Variants in CYP27C1 observed in about 807,000 individuals in gnomAD.
CYP27C1 encodes the protein cytochrome P450 27C1.
In CYP27C1, 29 loss-of-function variants were observed where a neutral mutation model predicts 40.6. The ratio of observed to expected loss-of-function variants is 0.71; its 90% CI spans 0.53 to 0.97. The LOEUF (loss-of-function observed/expected upper bound fraction) is 0.97, where lower values mean the gene tolerates loss of function less well. Ranked by LOEUF, CYP27C1 falls within the 50% of genes least tolerant of loss-of-function variation. The pLI, the probability that CYP27C1 is intolerant of heterozygous loss-of-function variation, is 0.00. For missense variants in CYP27C1, 390 were observed against 485.8 expected (o/e 0.80, Z 1.85); for synonymous variants, 198 against 186.8 (o/e 1.06, Z -0.49).
At chr2:127,203,686 C>T (rs886703398) in intron 2 of CYP27C1, 115 bp from the exon 3 acceptor site, 3 of 1,063,148 alleles carry the variant, frequency 2.8e-6, no homozygotes, top group African/African-American at 1.6e-5. Context: ...AGCTGCCCAA[C>T]AAAGTAGAAT....
At chr2:127,210,046 C>G (rs1683306921) in intron 1 of CYP27C1, among the ~76,000 whole-genome samples, 1 of 152,248 alleles carries the variant, frequency 6.6e-6, no homozygotes, top group Non-Finnish European at 1.5e-5. Flanking sequence ...TTAAGATCAA[C>G]CCCAAGACAC....
In CYP27C1 at chr2:127,185,351, T is replaced by C. The variant is rs1682598415; in HGVS notation, c.*1920A>G. 1 of 152,238 alleles carries C rather than the reference T, an allele frequency of 6.6e-6. No homozygotes were observed. Among genetic ancestry groups the C allele is most frequent in the African/African-American group, 2.4e-5 (1 of 41,426 alleles). 9.4% of individuals were successfully genotyped at this position (152,238 alleles called of 1,614,324 possible). On this transcript the variant is annotated 3_prime_UTR_variant, in exon 9 of 9. Transcript: ENST00000664447. The surrounding 1 kb of genome is among the most constrained non-coding windows in gnomAD (Gnocchi z 4.9). ...GCTACCCCCAGCCCGCACTTTGCTA[T>C]TCACCCTGTGCTGATCCCCAGGCAG...
rs1682900155 is a variant in CYP27C1, at chr2:127,196,156, G to A, written c.1048-655C>T. ...CGGCTCACTGCAAGCTCTGCCTCCC[G>A]GGTTCATGCCATTCTCCTGCCTCAG... is the stretch of plus-strand genomic sequence containing the variant. On this transcript the variant is annotated intron_variant, in intron 5 of 8. Transcript: ENST00000664447. This position sits in a 1 kb window ranked among gnomAD's most constrained non-coding sequence, Gnocchi z 4.5. Among the ~76,000 whole-genome samples, 1 of 151,768 alleles carries A rather than the reference G, an allele frequency of 6.6e-6. No homozygotes were observed.
intron 1 of CYP27C1, among the ~76,000 whole-genome samples, chr2:127,215,783 G>C (rs572674544): frequency 6.7e-6 from 1 of 150,128 alleles, no homozygotes; most frequent in South Asian, 2.2e-4. Context: ...TAAGGGACTT[G>C]TACCCAGAAT....
intron 8 of CYP27C1, 133 bp from the exon 9 acceptor site, chr2:127,187,520 C>T (rs1306824817): frequency 5.6e-6 from 4 of 710,594 alleles, no homozygotes; most frequent in Non-Finnish European, 7.2e-6. Context: ...CCACATCCAG[C>T]TTTTGGAGGC....
intron 8 of CYP27C1, among the ~76,000 whole-genome samples, chr2:127,191,332 T>G (rs2896889): frequency 0.99 from 150,912 of 152,310 alleles, 74,770 homozygotes; most frequent in Middle Eastern, 1. Flanking sequence ...ACTTTAGCAG[T>G]TATATTCATA....
In CYP27C1 at chr2:127,188,434, C is replaced by T. The variant is rs181673111; in HGVS notation, c.1498-1047G>A. Among the ~76,000 whole-genome samples the T allele has an allele frequency of 2.7e-3, 418 of 152,264 alleles. 2 individuals are homozygous for T. Among genetic ancestry groups the T allele is most frequent in the African/African-American group, 9.6e-3 (399 of 41,544 alleles). Reference sequence around the variant, plus strand: ...TAATTTTTTCATAGAAACAAAGACTCGTTTTGTTGCCCAGGCTGCTCCTGA... The same window carrying T: ...TAATTTTTTCATAGAAACAAAGACTTGTTTTGTTGCCCAGGCTGCTCCTGA... On this transcript the variant is annotated intron_variant, in intron 8 of 8. Coordinates refer to ENST00000664447, the MANE Select transcript of CYP27C1 (RefSeq NM_001367502.1).
Position 127,196,502 on chromosome 2 carries a change from AT to A in CYP27C1, c.1048-1002del, listed in dbSNP as rs540395977. On this transcript the variant is annotated intron_variant, in intron 5 of 8. Coordinates refer to ENST00000664447, the MANE Select transcript of CYP27C1 (RefSeq NM_001367502.1). This position sits in a 1 kb window ranked among gnomAD's most constrained non-coding sequence, Gnocchi z 4.5. ...ATTTCACTCTCTAGTAAACAAGGAA[AT>A]GCCACAGTATAAAGGCCTTTCTCTT... 2.7e-3 allele frequency among the ~76,000 whole-genome samples: 401 copies of A among 150,982 alleles called. 3 individuals carry two copies. Among genetic ancestry groups the A allele is most frequent in the African/African-American group, 9.4e-3 (387 of 41,034 alleles).
chr2:127,205,178 G>T (rs573610385), intron 2 of CYP27C1, among the ~76,000 whole-genome samples: 3 of 152,364 alleles, frequency 2.0e-5, no homozygotes, highest in African/African-American at 7.2e-5. Context: ...ACATCCAGGA[G>T]GAGCTGTTTA....
intron 8 of CYP27C1, among the ~76,000 whole-genome samples, chr2:127,189,584 G>T (rs570257852): frequency 1.3e-5 from 2 of 148,462 alleles, no homozygotes; most frequent in African/African-American, 2.5e-5. Flanking sequence ...ACAAACCTAC[G>T]TGTTCTGCAC....
In CYP27C1 at chr2:127,196,763, T is replaced by TA. The variant is rs1682913854; in HGVS notation, c.1048-1263dup. On this transcript the variant is annotated intron_variant, in intron 5 of 8. Transcript: ENST00000664447. The surrounding 1 kb of genome is among the most constrained non-coding windows in gnomAD (Gnocchi z 4.5). ...CATACAATGGAATACTACTTAGTAATAAAAAAGAATCAATTACTGTTCTAT... is the reference window on the plus strand; with the variant it reads ...CATACAATGGAATACTACTTAGTAATAAAAAAAGAATCAATTACTGTTCTAT... Among the ~76,000 whole-genome samples the TA allele has an allele frequency of 6.6e-6, 1 of 152,252 alleles. No individual in the cohort carries two copies. The highest frequency in any genetic ancestry group is 2.1e-4 in the South Asian group (1 of 4,826).
chr2:127,204,615 A>G (rs530905425), intron 2 of CYP27C1, among the ~76,000 whole-genome samples: 1 of 103,622 alleles, frequency 9.7e-6, no homozygotes, highest in Non-Finnish European at 2.0e-5. Context: ...GAAAGAAAGA[A>G]AGAAAGAAAG....
At chr2:127,211,369 GTTTT>G (rs371826841) in intron 1 of CYP27C1, among the ~76,000 whole-genome samples, 64 of 94,966 alleles carry the variant, frequency 6.7e-4, no homozygotes, top group African/African-American at 2.7e-3. Flanking sequence ...GTGTTTTTTT[GTTTT>G]TTTTTTTTTT....
At chr2:127,204,381 A>G (rs867816970) in intron 2 of CYP27C1, among the ~76,000 whole-genome samples, 2 of 111,438 alleles carry the variant, frequency 1.8e-5, no homozygotes, top group African/African-American at 7.3e-5. Context: ...GAGAGAGAGA[A>G]AGAAAGAAAA....
intron 8 of CYP27C1, 106 bp from the exon 9 acceptor site, chr2:127,187,493 G>A: frequency 1.0e-6 from 1 of 975,256 alleles, no homozygotes; most frequent in Non-Finnish European, 1.6e-6. Flanking sequence ...GCTGCAGAGA[G>A]CGCAGGCAAT....
rs1206496336 is a variant in CYP27C1, at chr2:127,215,832, G to GGA, written c.282+4155_282+4156dup. 2.0e-5 allele frequency among the ~76,000 whole-genome samples: 3 copies of GGA among 151,700 alleles called. No homozygotes were observed. The South Asian group carries it at 6.3e-4, about 32-fold the overall frequency. ...CAAATCAGTAGAGGAAGGGAGGGAG[G>GGA]GAGAGAGAGAGGGAGGGAGGGAGGA... is the stretch of plus-strand genomic sequence containing the variant. On this transcript the variant is annotated intron_variant, in intron 1 of 8. Coordinates refer to ENST00000664447, the MANE Select transcript of CYP27C1 (RefSeq NM_001367502.1).
In CYP27C1 at chr2:127,199,747, G is replaced by A. The variant is rs115412589; in HGVS notation, c.884-208C>T. Among the ~76,000 whole-genome samples, 137 of 152,310 alleles carry A rather than the reference G, an allele frequency of 9.0e-4. 1 individual carries two copies. Among genetic ancestry groups the A allele is most frequent in the African/African-American group, 3.1e-3 (129 of 41,576 alleles). On this transcript the variant is annotated intron_variant, in intron 4 of 8. Coordinates refer to ENST00000664447, the MANE Select transcript of CYP27C1 (RefSeq NM_001367502.1). ...TGAAAAGTTAAAAGACAAGCTAAAC[G>A]TATCTTCCTTTTTAAAAATAAGCTG...
intron 1 of CYP27C1, among the ~76,000 whole-genome samples, chr2:127,211,369 GTTTTTTTTTTTTTT>G (rs371826841): frequency 6.3e-5 from 6 of 94,974 alleles, no homozygotes; most frequent in South Asian, 4.1e-4. Flanking sequence ...GTGTTTTTTT[GTTTTTTTTTTTTTT>G]TTTTTTTTTT....
At chr2:127,214,586 G>A (rs1316540312) in intron 1 of CYP27C1, among the ~76,000 whole-genome samples, 1 of 152,028 alleles carries the variant, frequency 6.6e-6, no homozygotes, top group Non-Finnish European at 1.5e-5. Flanking sequence ...ACCAAATACT[G>A]CATGTTCTTA....
Sources: gnomAD v4.1 joint callset for allele counts (sites outside exome capture counted in the v4.1 genomes callset) on GRCh38, gnomAD v4.1.1 for gene constraint, Gnocchi (gnomAD v3.1) non-coding constraint, MANE v1.5 for transcripts, NCBI Gene and HGNC (gene_info 2026-07-23, HGNC 2026-07-21) for gene names.